ZNF774: variants seen among roughly 807,000 people sequenced by gnomAD.
ZNF774 encodes the protein zinc finger protein 774.
In ZNF774, 14 loss-of-function variants were observed where a neutral mutation model predicts 11.1. The observed-to-expected ratio is 1.26, with a 90% CI of 0.83 to 1.97. The LOEUF is 1.97. Among genes scored for constraint, ZNF774 ranks in the 30% most tolerant of loss-of-function variants. The pLI is 0.00. For synonymous variants in ZNF774, 195 were observed against 212.6 expected (o/e 0.92, Z 0.72); for missense variants, 599 against 587.0 (o/e 1.02, Z -0.21).
Position 90,361,033 on chromosome 15 carries a change from G to A in ZNF774, c.1202G>A (p.Arg401Lys), listed in dbSNP as rs766377156. 4 of 1,614,064 alleles carry A rather than the reference G, an allele frequency of 2.5e-6. No individual in the cohort carries two copies. The Admixed American group carries it at 6.7e-5, about 27-fold the overall frequency. ...CACCAACGAATCCACACCGGAGAAA[G>A]ACCCTACAAATGTGGAGAGTGTGGG... ...IKHQRIHTGERPYKCGECGKS... is the reference protein window; with the variant it reads ...IKHQRIHTGEKPYKCGECGKS... The change falls in exon 4 of 4, where the codon AGA (arginine) becomes AAA (lysine). Residue 401 changes from arginine to lysine, a missense_variant. Coordinates refer to ENST00000354377, the MANE Select transcript of ZNF774 (RefSeq NM_001004309.3).
At position 90,352,731 on chromosome 15, in the gene ZNF774, A is replaced by G. The variant is rs1450534739; in HGVS notation, c.-20+320A>G. 2.0e-5 allele frequency among the ~76,000 whole-genome samples: 3 copies of G among 151,610 alleles called. No individual in the cohort carries two copies. The East Asian group carries it at 5.8e-4, about 29-fold the overall frequency. ...GGGGTTCGGCCCCACGCGTGCAGTC[A>G]TGTTCCTATTAATAAACCCGGTGAA... On this transcript the variant is annotated intron_variant, in intron 1 of 3. Coordinates refer to ENST00000354377, the MANE Select transcript of ZNF774 (RefSeq NM_001004309.3).
At chr15:90,355,449 G>A in intron 2 of ZNF774, 1 of 456,002 alleles carries the variant, frequency 2.2e-6, no homozygotes, top group South Asian at 1.5e-5. Flanking sequence ...AACAGGCTGG[G>A]GGCAGTGGCT....
chr15:90,356,027 CAA>C (rs34661455), intron 2 of ZNF774, among the ~76,000 whole-genome samples: 1 of 112,704 alleles, frequency 8.9e-6, no homozygotes, highest in Non-Finnish European at 1.8e-5. Flanking sequence ...GACTCCATCT[CAA>C]AAAAAAAAAA....
chr15:90,357,414 G>A (rs1019576463), intron 2 of ZNF774, among the ~76,000 whole-genome samples: 1 of 152,132 alleles, frequency 6.6e-6, no homozygotes, highest in African/African-American at 2.4e-5. Context: ...TGAGGTGAGA[G>A]AATCGCTTGA....
Position 90,354,767 on chromosome 15 carries a change from A to G in ZNF774, c.104+3A>G. On this transcript the variant is annotated splice_donor_region_variant and intron_variant, in intron 2 of 3. Coordinates refer to ENST00000354377, the MANE Select transcript of ZNF774 (RefSeq NM_001004309.3). ...TTAGAAGAATGGGCTCTCAAAGGGT[A>G]AGAATGCTACTCTCCTTTATTTCAT... is the stretch of plus-strand genomic sequence containing the variant. 1 of 1,601,534 alleles carries G rather than the reference A, an allele frequency of 6.2e-7. No homozygotes were observed. Among genetic ancestry groups the G allele is most frequent in the Non-Finnish European group, 8.5e-7 (1 of 1,170,388 alleles).
chr15:90,354,996 A>G (rs553530770), intron 2 of ZNF774, among the ~76,000 whole-genome samples: 9 of 152,170 alleles, frequency 5.9e-5, no homozygotes, highest in Non-Finnish European at 7.4e-5. Context: ...GGATTTTGCT[A>G]TGTTGGCAAG....
chr15:90,362,538 C>A lies in ZNF774; in HGVS notation c.*1255C>A, dbSNP rs762805442. On this transcript the variant is annotated 3_prime_UTR_variant, in exon 4 of 4. Transcript: ENST00000354377. ...TTTAGGTTAATATAATTCTCTGATC[C>A]TTTTAGGGCCATCCAGGTTATGCAC... 7.8e-6 allele frequency: 12 copies of A among 1,535,702 alleles called. 1 individual carries two copies. The South Asian group carries it at 1.3e-4, about 17-fold the overall frequency.
intron 2 of ZNF774, among the ~76,000 whole-genome samples, chr15:90,355,722 C>CAAA (rs35498554): frequency 0.013 from 522 of 39,858 alleles, 24 homozygotes; most frequent in East Asian, 0.077. Flanking sequence ...GACTCTGTCT[C>CAAA]AAAAAAAAAA....
In ZNF774 at chr15:90,361,005, A is replaced by G; in HGVS notation, c.1174A>G (p.Lys392Glu). The G allele has an allele frequency of 1.9e-6, 3 of 1,614,114 alleles. No homozygotes were observed. Among genetic ancestry groups the G allele is most frequent in the Non-Finnish European group, 2.5e-6 (3 of 1,180,010 alleles). ...KGFADSSALI[K>E]HQRIHTGERP... ...ATTCGCCGACAGCTCCGCCCTCATT[A>G]AGCACCAACGAATCCACACCGGAGA... Residue 392 changes from lysine to glutamate, a missense_variant, in exon 4 of 4, where the codon AAG (lysine) becomes GAG (glutamate). Lys to Glu is a moderately conservative substitution (Grantham distance 56). Coordinates refer to ENST00000354377, the MANE Select transcript of ZNF774 (RefSeq NM_001004309.3).
chr15:90,361,502 G>A lies in ZNF774; in HGVS notation c.*219G>A. ...TCCTTCAGTGTGTGACTGACTCTTA[G>A]GGAAATGTGAGTTTAATAGTTGATG... is the stretch of plus-strand genomic sequence containing the variant. On this transcript the variant is annotated 3_prime_UTR_variant, in exon 4 of 4. Coordinates refer to ENST00000354377, the MANE Select transcript of ZNF774 (RefSeq NM_001004309.3). 1 of 1,320,758 alleles carries A rather than the reference G, an allele frequency of 7.6e-7. No homozygotes were observed. The highest frequency in any genetic ancestry group is 9.6e-7 in the Non-Finnish European group (1 of 1,036,730). The allele number at this position is 1,320,758 out of a possible 1,614,324, so 81.8% of individuals were successfully genotyped here. A position where few individuals can be genotyped will look rare whatever the true frequency, so the allele number is the denominator to read the frequency against.
chr15:90,355,722 CA>C (rs35498554), intron 2 of ZNF774, among the ~76,000 whole-genome samples: 363 of 40,014 alleles, frequency 9.1e-3, no homozygotes, highest in African/African-American at 0.028. Context: ...GACTCTGTCT[CA>C]AAAAAAAAAA....
intron 2 of ZNF774, 54 bp from the exon 3 acceptor site, chr15:90,358,797 C>A: frequency 6.6e-7 from 1 of 1,507,058 alleles, no homozygotes; most frequent in South Asian, 1.1e-5. Context: ...GGATTTTGCT[C>A]AGGCCTTGTG....
intron 2 of ZNF774, among the ~76,000 whole-genome samples, chr15:90,356,725 C>T (rs1385082106): frequency 2.6e-5 from 4 of 152,188 alleles, no homozygotes; most frequent in African/African-American, 9.7e-5. Flanking sequence ...TCTTTCTTTA[C>T]ATCACTTAAA....
Position 90,357,590 on chromosome 15 carries a change from G to C in ZNF774, c.105-1261G>C, listed in dbSNP as rs1049579366. Among the ~76,000 whole-genome samples the C allele has an allele frequency of 2.0e-5, 3 of 152,046 alleles. 1 individual carries two copies. In the East Asian group the frequency reaches 5.8e-4, roughly 29 times the overall value. ...TTAACATTTATTGAAGTTTTTTTTG[G>C]AGATGGAGTCTCAATGTGTTGCCCA... On this transcript the variant is annotated intron_variant, in intron 2 of 3. Coordinates refer to ENST00000354377, the MANE Select transcript of ZNF774 (RefSeq NM_001004309.3).
At chr15:90,358,812 T>C in intron 2 of ZNF774, 39 bp from the exon 3 acceptor site, 4 of 1,580,744 alleles carry the variant, frequency 2.5e-6, no homozygotes, top group Non-Finnish European at 3.5e-6. Context: ...CTTGTGTGAT[T>C]GGCTCAGACT....
In ZNF774 at chr15:90,360,254, G is replaced by A. The variant is rs769110005; in HGVS notation, c.423G>A (p.Lys141=). Residue 141 remains lysine, a synonymous_variant, in exon 4 of 4, where the codon AAG becomes AAA. Coordinates refer to ENST00000354377, the MANE Select transcript of ZNF774 (RefSeq NM_001004309.3). ...TTTCACAGGAGAGGGATTTAAACAAGCTCCTGGATGGATATGTAGGAGAGA... is the reference window on the plus strand; with the variant it reads ...TTTCACAGGAGAGGGATTTAAACAAACTCCTGGATGGATATGTAGGAGAGA... The part of the protein sequence containing the change: ...ESFSQERDLN[K]LLDGYVGEKP... The A allele has an allele frequency of 1.8e-5, 29 of 1,614,088 alleles. No homozygotes were observed. The highest frequency in any genetic ancestry group is 3.3e-5 in the Admixed American group (2 of 60,006).
At chr15:90,354,952 G>A (rs1477511964) in intron 2 of ZNF774, among the ~76,000 whole-genome samples, 188 bp downstream of exon 2, 1 of 152,138 alleles carries the variant, frequency 6.6e-6, no homozygotes, top group African/African-American at 2.4e-5. Context: ...GTGCCACCAT[G>A]CCTAGCTAAT....
chr15:90,362,733 G>A lies in ZNF774; in HGVS notation c.*1450G>A. 1 of 641,538 alleles carries A rather than the reference G, an allele frequency of 1.6e-6. No individual in the cohort carries two copies. Among genetic ancestry groups the A allele is most frequent in the Non-Finnish European group, 2.7e-6 (1 of 364,474 alleles). 39.7% of individuals were successfully genotyped at this position (641,538 alleles called of 1,614,324 possible). A position where few individuals can be genotyped will look rare whatever the true frequency, so the allele number is the denominator to read the frequency against. On this transcript the variant is annotated 3_prime_UTR_variant, in exon 4 of 4. Transcript: ENST00000354377. Reference sequence around the variant, plus strand: ...GTTTTACCTACCTCACAAGGTTGTTGTGAGGATCTAAAAATACACACACAC... The same window carrying A: ...GTTTTACCTACCTCACAAGGTTGTTATGAGGATCTAAAAATACACACACAC...
Position 90,360,073 on chromosome 15 carries a change from A to T in ZNF774, c.242A>T (p.Gln81Leu), listed in dbSNP as rs764370271. The change falls in exon 4 of 4, where the codon CAG becomes CTG. Residue 81 changes from glutamine (Q) to leucine (L), a missense_variant. Gln to Leu is a moderately radical substitution (Grantham distance 113, BLOSUM62 -2). Coordinates refer to ENST00000354377, the MANE Select transcript of ZNF774 (RefSeq NM_001004309.3). ...DCEHQVAKLNQDNSETAEQCG... is the reference protein window; with the variant it reads ...DCEHQVAKLNLDNSETAEQCG... ...GAGCATCAGGTGGCAAAGCTCAATC[A>T]GGACAATTCTGAAACAGCAGAACAA... is the stretch of plus-strand genomic sequence containing the variant. 7 of 1,612,082 alleles carry T rather than the reference A, an allele frequency of 4.3e-6. No homozygotes were observed. In the African/African-American group the frequency reaches 9.4e-5, roughly 22 times the overall value.
Sources: gnomAD v4.1 joint callset for allele counts (sites outside exome capture counted in the v4.1 genomes callset) on GRCh38, gnomAD v4.1.1 for gene constraint, MANE v1.5 for transcripts, NCBI Gene and HGNC (gene_info 2026-07-23, HGNC 2026-07-21) for gene names.